The following CRPPA variants were observed in gnomAD, a reference collection of about 807,000 sequenced individuals.
CRPPA encodes D-ribitol-5-phosphate cytidylyltransferase.
Under a neutral mutation model 52.0 loss-of-function variants are expected in CRPPA, and 43 were observed. The observed-to-expected ratio is 0.83, with a 90% confidence interval of 0.65 to 1.07. CRPPA has a LOEUF of 1.07. CRPPA is among the 50% of genes least tolerant of loss of function. CRPPA has a pLI of 0.00. For missense variants in CRPPA, 629 were observed against 551.7 expected (o/e 1.14, Z -1.40); for synonymous variants, 250 against 203.5 (o/e 1.23, Z -1.94).
At chr7:16,264,221 C>A (rs1036463954) in intron 6 of CRPPA, among the ~76,000 whole-genome samples, 1 of 152,146 alleles carries the variant, frequency 6.6e-6, no homozygotes, top group Non-Finnish European at 1.5e-5. Flanking sequence ...AAGTCCTAAG[C>A]ATCATCATAT....
At chr7:16,096,544 G>C (rs1006871866) in intron 9 of CRPPA, among the ~76,000 whole-genome samples, 3 of 152,076 alleles carry the variant, frequency 2.0e-5, no homozygotes, top group African/African-American at 7.2e-5. Flanking sequence ...CACAGTACAA[G>C]CAATCTTGAA....
At chr7:16,204,894 G>C (rs1287121967) in intron 9 of CRPPA, among the ~76,000 whole-genome samples, 2 of 152,062 alleles carry the variant, frequency 1.3e-5, no homozygotes, top group African/African-American at 4.8e-5. Flanking sequence ...TAACGTTTTG[G>C]ATTCTTACTG....
At position 16,133,927 on chromosome 7, in the gene CRPPA, C is replaced by T. The variant is rs1258645215; in HGVS notation, c.1252-42128G>A. 4.0e-5 allele frequency among the ~76,000 whole-genome samples: 5 copies of T among 123,702 alleles called. 2 individuals carry two copies. In the East Asian group the frequency reaches 1.7e-3, roughly 43 times the overall value. The allele number at this position is 123,702 out of a possible 152,430, so 81.2% of individuals were successfully genotyped here. A position where few individuals can be genotyped will look rare whatever the true frequency, so the allele number is the denominator to read the frequency against. ...TTCTTAACATCTTCTTAACATCATC[C>T]TTATGATTTTCTTTTTTTTTCCGAG... On this transcript the variant is annotated intron_variant, in intron 9 of 9. Coordinates refer to ENST00000407010, the MANE Select transcript of CRPPA (RefSeq NM_001101426.4).
Position 16,138,843 on chromosome 7 carries a change from C to T in CRPPA, c.1252-47044G>A, listed in dbSNP as rs557435343. The stretch of plus-strand genomic sequence containing the variant: ...TGAGATGGAGTTTCACTCCTGTCGC[C>T]CAGGCAAGAGTGCAATGGCACGATC... On this transcript the variant is annotated intron_variant, in intron 9 of 9. Coordinates refer to ENST00000407010, the MANE Select transcript of CRPPA (RefSeq NM_001101426.4). Among the ~76,000 whole-genome samples the T allele has an allele frequency of 6.6e-5, 10 of 152,206 alleles. No individual in the cohort carries two copies. In the South Asian group the frequency reaches 2.1e-3, roughly 32 times the overall value.
chr7:16,359,541 C>G (rs150195126), intron 3 of CRPPA, among the ~76,000 whole-genome samples: 1 of 152,132 alleles, frequency 6.6e-6, no homozygotes, highest in Non-Finnish European at 1.5e-5. Context: ...TTCTCAACTT[C>G]GTTCTAACTT....
intron 9 of CRPPA, among the ~76,000 whole-genome samples, chr7:16,208,065 A>G (rs974997582): frequency 5.3e-5 from 8 of 152,156 alleles, no homozygotes; most frequent in African/African-American, 1.7e-4. Context: ...AACTTTCTCA[A>G]TTGCAACAAC....
intron 1 of CRPPA, among the ~76,000 whole-genome samples, chr7:16,418,227 A>T (rs1788241501): frequency 6.6e-6 from 1 of 152,230 alleles, no homozygotes; most frequent in Non-Finnish European, 1.5e-5. Context: ...CCCAAAATAT[A>T]ATCATGTTCC....
intron 9 of CRPPA, among the ~76,000 whole-genome samples, chr7:16,175,081 C>A (rs559500634): frequency 6.6e-6 from 1 of 152,112 alleles, no homozygotes; most frequent in African/African-American, 2.4e-5. Context: ...GTACTTTAGG[C>A]AGTCCATGGG....
chr7:16,320,391 A>G (rs1296243476), intron 3 of CRPPA, among the ~76,000 whole-genome samples: 3 of 152,174 alleles, frequency 2.0e-5, no homozygotes, highest in Non-Finnish European at 4.4e-5. Flanking sequence ...TAATGTATAT[A>G]TAATGCAATT....
At chr7:16,399,556 G>A (rs753887608) in intron 2 of CRPPA, among the ~76,000 whole-genome samples, 1 of 151,826 alleles carries the variant, frequency 6.6e-6, no homozygotes, top group Non-Finnish European at 1.5e-5. Context: ...TGACATGAAT[G>A]ACATGACACG....
At chr7:16,404,035 T>C (rs915258012) in intron 2 of CRPPA, among the ~76,000 whole-genome samples, 1 of 152,202 alleles carries the variant, frequency 6.6e-6, no homozygotes, top group Non-Finnish European at 1.5e-5. Context: ...TAAGTGCTTT[T>C]CTGGATTCAA....
chr7:16,376,137 C>T lies in CRPPA; in HGVS notation c.639G>A (p.Met213Ile), dbSNP rs1224978474. ...TCACATCAAATAGAAAAGCTTGGGG[C>T]ATTTCACTTGCTCTGTGTCTGGCAC... is the stretch of plus-strand genomic sequence containing the variant. ...LERARHRASE[M>I]PQAFLFDVIY... Residue 213 changes from methionine to isoleucine, a missense_variant, in exon 3 of 10, where the codon ATG becomes ATA. Physicochemically the swap from Met to Ile is conservative, Grantham distance 10. Coordinates refer to ENST00000407010, the MANE Select transcript of CRPPA (RefSeq NM_001101426.4). 6.2e-7 allele frequency: 1 copy of T among 1,611,748 alleles called. No individual in the cohort carries two copies. The highest frequency in any genetic ancestry group is 1.3e-5 in the African/African-American group (1 of 74,874).
chr7:16,258,134 T>A (rs893321368), intron 8 of CRPPA, among the ~76,000 whole-genome samples: 2 of 151,940 alleles, frequency 1.3e-5, no homozygotes, highest in African/African-American at 4.8e-5. Context: ...GCCATTTTAG[T>A]GAAGGAAAAA....
rs796216700 is a variant in CRPPA at position 16,198,719 on chromosome 7, G to T, written c.1251+17347C>A. ...GACCGGTATGCACTCCCATACTTGCGCAGCATTTTTTTTTTTTAAGAAACG... is the reference window on the plus strand; with the variant it reads ...GACCGGTATGCACTCCCATACTTGCTCAGCATTTTTTTTTTTTAAGAAACG... On this transcript the variant is annotated intron_variant, in intron 9 of 9. Coordinates refer to ENST00000407010, the MANE Select transcript of CRPPA (RefSeq NM_001101426.4). 3.9e-4 allele frequency among the ~76,000 whole-genome samples: 55 copies of T among 139,928 alleles called. 1 individual carries two copies. Among genetic ancestry groups the T allele is most frequent in the African/African-American group, 1.4e-3 (52 of 37,686 alleles). 91.8% of individuals were successfully genotyped at this position (139,928 alleles called of 152,430 possible). A position where few individuals can be genotyped will look rare whatever the true frequency, so the allele number is the denominator to read the frequency against.
rs1433765377 is a variant in CRPPA at position 16,176,134 on chromosome 7, C to T, written c.1251+39932G>A. On this transcript the variant is annotated intron_variant, in intron 9 of 9. Transcript: ENST00000407010. The stretch of plus-strand genomic sequence containing the variant: ...ATATTCCATCTTCTCTACAAACAAC[C>T]TTAAATCCGACTGCCCTTCAAAGCT... 2.0e-5 allele frequency among the ~76,000 whole-genome samples: 3 copies of T among 152,200 alleles called. No homozygotes were observed. The East Asian group carries it at 5.8e-4, about 29-fold the overall frequency.
chr7:16,280,027 ACTC>A (rs911189836), intron 5 of CRPPA, among the ~76,000 whole-genome samples: 5 of 151,668 alleles, frequency 3.3e-5, no homozygotes, highest in Admixed American at 6.6e-5. Flanking sequence ...GTGCAGGGAA[ACTC>A]CTCTTTTTAA....
intron 3 of CRPPA, among the ~76,000 whole-genome samples, chr7:16,332,951 A>C (rs1172419637): frequency 6.6e-6 from 1 of 152,148 alleles, no homozygotes; most frequent in African/African-American, 2.4e-5. Flanking sequence ...AAACCACGCT[A>C]ACATTATCAA....
At chr7:16,297,242 T>C (rs1784692902) in intron 5 of CRPPA, among the ~76,000 whole-genome samples, 1 of 152,204 alleles carries the variant, frequency 6.6e-6, no homozygotes, top group Non-Finnish European at 1.5e-5. Context: ...TCTTACAGCG[T>C]TATTGTAAAG....
chr7:16,316,149 A>G (rs1418465516), intron 3 of CRPPA, among the ~76,000 whole-genome samples: 1 of 152,074 alleles, frequency 6.6e-6, no homozygotes, highest in African/African-American at 2.4e-5. Context: ...ACAGAAGAGG[A>G]ACAAAGGGAG....
Sources: allele counts gnomAD v4.1 joint callset (sites outside exome capture counted in the v4.1 genomes callset), GRCh38; gene constraint gnomAD v4.1.1; transcripts MANE v1.5; gene names NCBI Gene and HGNC (gene_info 2026-07-23, HGNC 2026-07-21).